The following NEBL variants were observed in gnomAD, a reference collection of about 807,000 sequenced individuals.
The protein encoded by NEBL is nebulette.
NEBL carries 122 observed loss-of-function variants against 140.2 expected under a neutral mutation model. The observed-to-expected ratio is 0.87, with a 90% confidence interval of 0.75 to 1.01. The LOEUF (loss-of-function observed/expected upper bound fraction) is 1.01, where lower values mean the gene tolerates loss of function less well. Among genes scored for constraint, NEBL ranks in the 50% least tolerant of loss-of-function variants. NEBL has a pLI of 0.00. For synonymous variants in NEBL, 436 were observed against 398.9 expected (o/e 1.09, Z -1.11); for missense variants, 1,365 against 1,231.3 (o/e 1.11, Z -1.62).
chr10:21,174,873 C>A (rs538618284), upstream of NEBL: 1 of 152,298 alleles, frequency 6.6e-6, no homozygotes, highest in Non-Finnish European at 1.5e-5. Flanking sequence ...ATTTTAGGCC[C>A]GAGTCGAGCC....
At chr10:21,195,387 T>A (rs1309959775) in intron 3 of NEBL, among the ~76,000 whole-genome samples, 1 of 152,218 alleles carries the variant, frequency 6.6e-6, no homozygotes, top group African/African-American at 2.4e-5. Context: ...AATCTTCAAG[T>A]TGTCAGGGTG....
chr10:21,066,697 A>G (rs1031050477), intron 2 of NEBL, among the ~76,000 whole-genome samples: 2 of 152,222 alleles, frequency 1.3e-5, no homozygotes, highest in African/African-American at 2.4e-5. Flanking sequence ...AAAACACAGC[A>G]ATACAAGAGA....
At chr10:21,103,737 C>A (rs1453561474) in intron 2 of NEBL, among the ~76,000 whole-genome samples, 1 of 101,902 alleles carries the variant, frequency 9.8e-6, no homozygotes, top group Admixed American at 8.0e-5. Flanking sequence ...TCTCTGGCTC[C>A]CTAGTCATGA....
chr10:21,254,744 G>A (rs1371557453), intron 1 of NEBL, among the ~76,000 whole-genome samples: 2 of 152,232 alleles, frequency 1.3e-5, no homozygotes, highest in African/African-American at 2.4e-5. Context: ...TGAAGAGGAA[G>A]ATTTGGGACC....
At chr10:20,854,933 G>T (rs964784998) in intron 9 of NEBL, among the ~76,000 whole-genome samples, 1 of 151,892 alleles carries the variant, frequency 6.6e-6, no homozygotes, top group Non-Finnish European at 1.5e-5. Context: ...TTTTAAAAAA[G>T]CCTTTTTTTG....
intron 2 of NEBL, among the ~76,000 whole-genome samples, chr10:21,127,113 C>T (rs927763526): frequency 6.6e-6 from 1 of 152,044 alleles, no homozygotes; most frequent in Non-Finnish European, 1.5e-5. Flanking sequence ...TCCTCCCACT[C>T]CTTTCCCTCT....
intron 26 of NEBL, among the ~76,000 whole-genome samples, chr10:20,801,061 G>A (rs1183172114): frequency 2.6e-5 from 4 of 152,150 alleles, no homozygotes; most frequent in Non-Finnish European, 5.9e-5. Context: ...AGCTCATCTA[G>A]ACACACAGCC....
intron 4 of NEBL, among the ~76,000 whole-genome samples, chr10:20,916,070 C>A (rs1848542510): frequency 6.6e-6 from 1 of 152,126 alleles, no homozygotes; most frequent in Non-Finnish European, 1.5e-5. Context: ...CAGAAATAAT[C>A]TTTTATTTAC....
chr10:21,039,312 C>T (rs975783046), intron 2 of NEBL, among the ~76,000 whole-genome samples: 2 of 152,070 alleles, frequency 1.3e-5, no homozygotes, highest in African/African-American at 4.8e-5. Flanking sequence ...TCCCTATGTC[C>T]TGAATGGTAT....
intron 14 of NEBL, 71 bp downstream of exon 14, chr10:20,835,442 T>C: frequency 9.1e-7 from 1 of 1,097,552 alleles, no homozygotes; most frequent in Non-Finnish European, 1.4e-6. Context: ...CATATAGTAA[T>C]CAAGTTGCTA....
chr10:21,112,563 G>A (rs1308717893), intron 2 of NEBL, among the ~76,000 whole-genome samples: 1 of 148,458 alleles, frequency 6.7e-6, no homozygotes, highest in Non-Finnish European at 1.5e-5. Context: ...CACACGGTGG[G>A]GAACATCACA....
intron 2 of NEBL, among the ~76,000 whole-genome samples, chr10:21,162,429 G>A (rs868189506): frequency 1.3e-5 from 2 of 152,312 alleles, no homozygotes; most frequent in Middle Eastern, 3.4e-3. Context: ...TGGGCTTGAA[G>A]TGAGAGCAAA....
At chr10:20,806,346 C>T (rs774601141) in intron 26 of NEBL, among the ~76,000 whole-genome samples, 6 of 152,156 alleles carry the variant, frequency 3.9e-5, no homozygotes, top group South Asian at 2.1e-4. Flanking sequence ...ACCTCGGGTG[C>T]GGCCTCCTCT....
chr10:20,938,480 AG>A (rs1255490837), intron 4 of NEBL, among the ~76,000 whole-genome samples: 1 of 152,228 alleles, frequency 6.6e-6, no homozygotes, highest in Non-Finnish European at 1.5e-5. Context: ...AAAACCACAA[AG>A]ATGGGGAGAC....
intron 4 of NEBL, among the ~76,000 whole-genome samples, chr10:20,907,008 C>T (rs972983978): frequency 6.6e-6 from 1 of 152,130 alleles, no homozygotes; most frequent in Non-Finnish European, 1.5e-5. Flanking sequence ...CAACTCAATT[C>T]CAACTAGCCA....
In NEBL at chr10:21,082,950, C is replaced by T. The variant is rs368965927; in HGVS notation, c.165-62749G>A. Among the ~76,000 whole-genome samples the T allele has an allele frequency of 3.7e-4, 56 of 152,014 alleles. No homozygotes were observed. The East Asian group carries it at 8.1e-3, about 22-fold the overall frequency. ...GCTAATTTTTGAATTTTTTTAGAGA[C>T]GGGGTTTCACCCTGTTGGCCAGGCT... On this transcript the variant is annotated intron_variant, in intron 2 of 6. Coordinates refer to the NEBL transcript ENST00000417816.
intron 4 of NEBL, among the ~76,000 whole-genome samples, chr10:20,929,702 A>G (rs912808458): frequency 5.4e-5 from 8 of 147,596 alleles, no homozygotes; most frequent in African/African-American, 1.7e-4. Flanking sequence ...AATAATGTGT[A>G]CACGTGGACA....
chr10:21,113,396 C>A, intron 2 of NEBL: 1 of 421,264 alleles, frequency 2.4e-6, no homozygotes, highest in Non-Finnish European at 4.5e-6. Flanking sequence ...AAAGGTGGTT[C>A]TCTTCCCAAA....
At position 21,104,847 on chromosome 10, in the gene NEBL, G is replaced by A. The variant is rs58509168; in HGVS notation, c.164+67536C>T. ...TCTGTCTTTCACCATCAAGTAAGACGTTAGCTTTACATTTTTTGTAGATGC... is the reference window on the plus strand; with the variant it reads ...TCTGTCTTTCACCATCAAGTAAGACATTAGCTTTACATTTTTTGTAGATGC... On this transcript the variant is annotated intron_variant, in intron 2 of 6. Transcript: ENST00000417816. Among the ~76,000 whole-genome samples the A allele has an allele frequency of 6.1e-3, 922 of 152,266 alleles. 10 individuals carry two copies. The highest frequency in any genetic ancestry group is 0.021 in the African/African-American group (877 of 41,548).
Sources: gnomAD v4.1 joint callset for allele counts (sites outside exome capture counted in the v4.1 genomes callset) on GRCh38, gnomAD v4.1.1 for gene constraint, MANE v1.5 for transcripts, NCBI Gene and HGNC (gene_info 2026-07-23, HGNC 2026-07-21) for gene names.